Variants in FMN2 observed in about 807,000 individuals in gnomAD.
FMN2 encodes formin-2.
A neutral mutation model predicts 142.3 loss-of-function variants in FMN2; 51 were observed. The observed-to-expected ratio is 0.36, with a 90% CI of 0.29 to 0.45. FMN2 has a LOEUF of 0.45. Among genes scored for constraint, FMN2 ranks in the 20% least tolerant of loss-of-function variants. FMN2 has a pLI of 1.00. For missense variants in FMN2, 1,936 were observed against 2,122.8 expected (o/e 0.91, Z 1.73); for synonymous variants, 882 against 869.8 (o/e 1.01, Z -0.25).
chr1:240,203,352 A>G (rs992260828), intron 4 of FMN2, among the ~76,000 whole-genome samples: 1 of 152,256 alleles, frequency 6.6e-6, no homozygotes, highest in Non-Finnish European at 1.5e-5. Flanking sequence ...ACAAAGATAC[A>G]TTCACACATA....
chr1:240,265,372 A>G (rs544207499), intron 7 of FMN2, among the ~76,000 whole-genome samples: 1 of 152,308 alleles, frequency 6.6e-6, no homozygotes, highest in East Asian at 1.9e-4. Flanking sequence ...CCACATAACA[A>G]CATTTTGGTC....
Position 240,098,097 on chromosome 1 carries a change from A to ATTTTTTTTTTTTTTTTTTTT in FMN2, c.1615+4375_1615+4394dup, listed in dbSNP as rs35191164. Among the ~76,000 whole-genome samples, 581 of 98,556 alleles carry ATTTTTTTTTTTTTTTTTTTT rather than the reference A, an allele frequency of 5.9e-3. 37 individuals are homozygous for ATTTTTTTTTTTTTTTTTTTT. Among genetic ancestry groups the ATTTTTTTTTTTTTTTTTTTT allele is most frequent in the Middle Eastern group, 0.017 (3 of 174 alleles). 64.7% of individuals were successfully genotyped at this position (98,556 alleles called of 152,430 possible). A position where few individuals can be genotyped will look rare whatever the true frequency, so the allele number is the denominator to read the frequency against. Reference sequence around the variant, plus strand: ...TTGGCCTTTCTAAAGGTTATCTTGAATTTTTTTTTTTTTTTTTTTTTGGAG... The same window carrying ATTTTTTTTTTTTTTTTTTTT: ...TTGGCCTTTCTAAAGGTTATCTTGAATTTTTTTTTTTTTTTTTTTTTTTTTTTTTTTTTTTTTTTTTGGAG... On this transcript the variant is annotated intron_variant, in intron 1 of 17. Transcript: ENST00000319653.
intron 2 of FMN2, chr1:240,144,841 CT>C: frequency 6.9e-7 from 1 of 1,448,980 alleles, no homozygotes. Flanking sequence ...CCTGCTGGAC[CT>C]TCTTTGCATC....
intron 15 of FMN2, among the ~76,000 whole-genome samples, chr1:240,430,061 G>GT (rs557234750): frequency 3.8e-4 from 57 of 151,676 alleles, no homozygotes; most frequent in African/African-American, 1.3e-3. Flanking sequence ...AACGTTTTGT[G>GT]TTTTTTAGTA....
chr1:240,355,678 G>A (rs866218494), intron 13 of FMN2, 138 bp from the exon 14 acceptor site: 2 of 508,914 alleles, frequency 3.9e-6, no homozygotes, highest in Middle Eastern at 3.0e-4. Flanking sequence ...GTATTTGGAT[G>A]TTTCCAAAAT....
intron 2 of FMN2, among the ~76,000 whole-genome samples, chr1:240,140,511 C>T (rs1461760319): frequency 2.6e-5 from 4 of 152,196 alleles, no homozygotes; most frequent in Non-Finnish European, 5.9e-5. Context: ...GAACACAAAA[C>T]TGTTTCCTCC....
intron 8 of FMN2, among the ~76,000 whole-genome samples, chr1:240,328,167 A>AAAAAAAAAAAAAAAAAAAAAGAAAG (rs1558435720): frequency 3.5e-5 from 5 of 141,170 alleles, no homozygotes; most frequent in African/African-American, 1.3e-4. Flanking sequence ...AAAAAAAAAA[A>AAAAAAAAAAAAAAAAAAAAAGAAAG]AAAAAGAAAA....
intron 16 of FMN2, among the ~76,000 whole-genome samples, chr1:240,451,106 G>A (rs1427029954): frequency 1.3e-5 from 2 of 152,064 alleles, no homozygotes; most frequent in Admixed American, 6.6e-5. Flanking sequence ...AGTGGCTCAC[G>A]CCTGTAATCC....
chr1:240,353,887 G>A (rs566736751), intron 13 of FMN2, among the ~76,000 whole-genome samples: 1 of 152,258 alleles, frequency 6.6e-6, no homozygotes, highest in African/African-American at 2.4e-5. Context: ...GCAGGGAATG[G>A]AGAAAAGCAG....
chr1:240,310,808 T>A (rs1203957190), intron 8 of FMN2, among the ~76,000 whole-genome samples: 2 of 152,160 alleles, frequency 1.3e-5, no homozygotes, highest in African/African-American at 2.4e-5. Context: ...CTCATTTTTT[T>A]AAGTGTGTTG....
intron 7 of FMN2, among the ~76,000 whole-genome samples, chr1:240,269,744 T>C (rs1231827059): frequency 6.6e-6 from 1 of 152,016 alleles, no homozygotes; most frequent in Admixed American, 6.6e-5. Context: ...TTGTTTTCAG[T>C]GTACAGATTT....
intron 1 of FMN2, among the ~76,000 whole-genome samples, chr1:240,120,974 A>G (rs1650735531): frequency 6.6e-6 from 1 of 152,146 alleles, no homozygotes; most frequent in African/African-American, 2.4e-5. Context: ...TCTGACCAAT[A>G]TGGTGAAACC....
At chr1:240,097,403 T>C (rs570733187) in intron 1 of FMN2, among the ~76,000 whole-genome samples, 13 of 151,504 alleles carry the variant, frequency 8.6e-5, no homozygotes, top group African/African-American at 2.9e-4. Context: ...TTGCCCAGGC[T>C]GGAGTGCAGT....
At chr1:240,405,823 C>T (rs1026651317) in intron 15 of FMN2, among the ~76,000 whole-genome samples, 1 of 152,148 alleles carries the variant, frequency 6.6e-6, no homozygotes, top group Non-Finnish European at 1.5e-5. Context: ...TTTATATCTA[C>T]GTTTTATAAG....
At chr1:240,343,077 T>C (rs1203433446) in intron 13 of FMN2, among the ~76,000 whole-genome samples, 7 of 152,210 alleles carry the variant, frequency 4.6e-5, no homozygotes, top group Non-Finnish European at 1.0e-4. Flanking sequence ...CAGAAGTCTC[T>C]CAATTCATAT....
chr1:240,217,323 T>C (rs1191434618), intron 6 of FMN2, among the ~76,000 whole-genome samples: 5 of 152,252 alleles, frequency 3.3e-5, no homozygotes, highest in Admixed American at 1.3e-4. Flanking sequence ...ATTTGTGTTA[T>C]AGAAGACATG....
chr1:240,351,960 ATTAC>A (rs1259104052), intron 13 of FMN2, among the ~76,000 whole-genome samples: 3 of 152,200 alleles, frequency 2.0e-5, no homozygotes, highest in Non-Finnish European at 4.4e-5. Context: ...AAGGACAGTT[ATTAC>A]TTCTACTTTT....
In FMN2 at chr1:240,093,032, C is replaced by T. The variant is rs1415193391; in HGVS notation, c.923C>T (p.Pro308Leu). The change falls in exon 1 of 18, where the codon CCG becomes CTG. Residue 308 changes from proline (P) to leucine (L), a missense_variant. Around this residue, in one of 8 missense-constraint regions of FMN2, gnomAD observed 751 missense variants for 791.8 expected, o/e 0.95. Coordinates refer to ENST00000319653, the MANE Select transcript of FMN2 (RefSeq NM_020066.5). ...CCGGTCTCCGAGGCGCCCAGTCTCC[C>T]GGCAGCGCAACCCGCGGCCAAAGAC... The part of the protein sequence containing the change: ...GLPVSEAPSL[P>L]AAQPAAKDSP... The T allele has an allele frequency of 1.4e-6, 2 of 1,394,880 alleles. No individual in the cohort carries two copies. Among genetic ancestry groups the T allele is most frequent in the Non-Finnish European group, 1.8e-6 (2 of 1,083,046 alleles). 86.4% of individuals were successfully genotyped at this position (1,394,880 alleles called of 1,614,324 possible). A position where few individuals can be genotyped will look rare whatever the true frequency, so the allele number is the denominator to read the frequency against.
intron 15 of FMN2, among the ~76,000 whole-genome samples, chr1:240,398,254 T>C (rs528295112): frequency 3.3e-5 from 5 of 152,184 alleles, no homozygotes; most frequent in African/African-American, 1.2e-4. Flanking sequence ...TCTGCCCGCC[T>C]TGGCCTCCCA....
Sources: gnomAD v4.1 joint callset for allele counts (sites outside exome capture counted in the v4.1 genomes callset) on GRCh38, gnomAD v4.1.1 for gene constraint, gnomAD v4.1.1 regional missense constraint, MANE v1.5 for transcripts, NCBI Gene and HGNC (gene_info 2026-07-23, HGNC 2026-07-21) for gene names.